The following WNT2 variants were observed in gnomAD, a reference collection of about 807,000 sequenced individuals.
The protein encoded by WNT2 is Wnt family member 2, also known as protein Wnt-2.
WNT2 carries 12 observed loss-of-function variants against 36.9 expected under a neutral mutation model. The observed-to-expected ratio is 0.33, with a 90% CI of 0.21 to 0.53. The LOEUF (loss-of-function observed/expected upper bound fraction) is 0.53, where lower values mean the gene tolerates loss of function less well. WNT2 is among the 20% of genes least tolerant of loss of function. The pLI is 0.95. For missense variants in WNT2, 379 were observed against 473.1 expected (o/e 0.80, Z 1.84); for synonymous variants, 163 against 174.6 (o/e 0.93, Z 0.52).
intron 3 of WNT2, among the ~76,000 whole-genome samples, chr7:117,306,200 C>CT (rs796633314): frequency 2.0e-4 from 30 of 151,914 alleles, no homozygotes; most frequent in Non-Finnish European, 3.1e-4. Flanking sequence ...AATTTAAACC[C>CT]TTTTTTTTCT....
rs185546906 is a variant in WNT2 at position 117,291,145 on chromosome 7, G to T, written c.853+6467C>A. ...TACCCATGGGTTCTGAGTTCTGTTTGCCAAATATGATTTATGTGGGGGAAA... is the reference window on the plus strand; with the variant it reads ...TACCCATGGGTTCTGAGTTCTGTTTTCCAAATATGATTTATGTGGGGGAAA... On this transcript the variant is annotated intron_variant, in intron 4 of 4. Transcript: ENST00000265441. Among the ~76,000 whole-genome samples, 155 of 152,314 alleles carry T rather than the reference G, an allele frequency of 1.0e-3. 1 individual carries two copies. Among genetic ancestry groups the T allele is most frequent in the Admixed American group, 5.1e-3 (78 of 15,308 alleles).
In WNT2 at chr7:117,300,432, G is replaced by A. The variant is rs1319438704; in HGVS notation, c.589-2556C>T. On this transcript the variant is annotated intron_variant, in intron 3 of 4. Transcript: ENST00000265441. ...GATCTCTTGACCTTTTGATCCACCT[G>A]CCTCAGCCTCCCAAAGTGTTGGGAT... 3.3e-5 allele frequency among the ~76,000 whole-genome samples: 5 copies of A among 152,208 alleles called. No homozygotes were observed. In the South Asian group the frequency reaches 1.0e-3, roughly 32 times the overall value.
At chr7:117,305,984 G>C (rs1795007433) in intron 3 of WNT2, among the ~76,000 whole-genome samples, 1 of 152,128 alleles carries the variant, frequency 6.6e-6, no homozygotes, top group Non-Finnish European at 1.5e-5. Context: ...CAATTTTCAG[G>C]CCTATGTTTC....
chr7:117,280,076 C>T (rs1794454476), intron 4 of WNT2, among the ~76,000 whole-genome samples: 1 of 151,918 alleles, frequency 6.6e-6, no homozygotes, highest in Non-Finnish European at 1.5e-5. Context: ...GGTGGGGCAG[C>T]GTTTGGTCAG....
At position 117,285,059 on chromosome 7, in the gene WNT2, C is replaced by T. The variant is rs141986453; in HGVS notation, c.854-6675G>A. Among the ~76,000 whole-genome samples, 626 of 152,316 alleles carry T rather than the reference C, an allele frequency of 4.1e-3. 5 individuals carry two copies. The highest frequency in any genetic ancestry group is 0.014 in the African/African-American group (596 of 41,564). ...GTGACCAGTGCAGCAGCGTCTTTCC[C>T]GTACTCTCTTCTAATTCTTTTATCA... On this transcript the variant is annotated intron_variant, in intron 4 of 4. Coordinates refer to ENST00000265441, the MANE Select transcript of WNT2 (RefSeq NM_003391.3).
intron 4 of WNT2, among the ~76,000 whole-genome samples, chr7:117,285,690 A>AAACATAT (rs1466712016): frequency 6.6e-6 from 1 of 152,366 alleles, no homozygotes; most frequent in East Asian, 1.9e-4. Context: ...TTAAAAGGAT[A>AAACATAT]AACATATATT....
chr7:117,305,990 GT>G (rs1316102593), intron 3 of WNT2, among the ~76,000 whole-genome samples: 2 of 152,166 alleles, frequency 1.3e-5, no homozygotes, highest in Non-Finnish European at 2.9e-5. Flanking sequence ...TCAGGCCTAT[GT>G]TTCTCTCCAG....
intron 4 of WNT2, among the ~76,000 whole-genome samples, chr7:117,288,850 G>T (rs997274305): frequency 2.0e-5 from 3 of 151,950 alleles, no homozygotes; most frequent in African/African-American, 7.3e-5. Context: ...AAATAACACA[G>T]ATTTATAGAT....
At chr7:117,315,847 T>C (rs998399712) in intron 2 of WNT2, among the ~76,000 whole-genome samples, 8 of 152,226 alleles carry the variant, frequency 5.3e-5, no homozygotes, top group African/African-American at 1.7e-4. Flanking sequence ...TGCACTTAAA[T>C]TATTGAGAAT....
intron 3 of WNT2, among the ~76,000 whole-genome samples, chr7:117,302,955 C>T (rs2116366460): frequency 6.6e-6 from 1 of 152,240 alleles, no homozygotes; most frequent in South Asian, 2.1e-4. Flanking sequence ...AATTACTCCA[C>T]ATAGTAAAAT....
chr7:117,316,791 T>C (rs1453412283), intron 2 of WNT2, among the ~76,000 whole-genome samples: 1 of 152,162 alleles, frequency 6.6e-6, no homozygotes, highest in Non-Finnish European at 1.5e-5. Context: ...CTATTCGCCA[T>C]AGGTAGCAGG....
At chr7:117,316,247 T>C (rs1795215273) in intron 2 of WNT2, among the ~76,000 whole-genome samples, 1 of 152,216 alleles carries the variant, frequency 6.6e-6, no homozygotes, top group Non-Finnish European at 1.5e-5. Context: ...CATATTTCAG[T>C]GCAATAACTA....
At chr7:117,300,127 T>A (rs1794874623) in intron 3 of WNT2, among the ~76,000 whole-genome samples, 1 of 152,162 alleles carries the variant, frequency 6.6e-6, no homozygotes, top group African/African-American at 2.4e-5. Flanking sequence ...GCCAATCCTA[T>A]GATAGGAGAA....
intron 2 of WNT2, among the ~76,000 whole-genome samples, chr7:117,317,089 A>G (rs1428251821): frequency 6.6e-6 from 1 of 152,218 alleles, no homozygotes; most frequent in East Asian, 1.9e-4. Context: ...GAGAGATCAC[A>G]TAGAGGAGGA....
chr7:117,307,365 A>G (rs1022881263), intron 3 of WNT2, among the ~76,000 whole-genome samples: 12 of 152,174 alleles, frequency 7.9e-5, no homozygotes, highest in African/African-American at 2.9e-4. Flanking sequence ...ATATTGAAAC[A>G]CCCAGGAGTA....
rs1038094391 is a variant in WNT2 at position 117,297,513 on chromosome 7, C to G, written c.853+99G>C. 2.8e-6 allele frequency: 4 copies of G among 1,430,700 alleles called. No individual in the cohort carries two copies. The East Asian group carries it at 6.9e-5, about 25-fold the overall frequency. 88.6% of individuals were successfully genotyped at this position (1,430,700 alleles called of 1,614,324 possible). ...AATGATAAGGATCGTGAGCTTTGAA[C>G]CTAAAGAGAGCAGGCTGAAAATACA... On this transcript the variant is annotated intron_variant, in intron 4 of 4. Transcript: ENST00000265441.
chr7:117,310,582 CAAAA>C (rs774296887), intron 3 of WNT2, among the ~76,000 whole-genome samples: 1 of 55,070 alleles, frequency 1.8e-5, no homozygotes, highest in Non-Finnish European at 3.4e-5. Flanking sequence ...GACCCTGTCT[CAAAA>C]AAAAAAAAAA....
intron 2 of WNT2, among the ~76,000 whole-genome samples, chr7:117,319,819 T>C (rs566604371): frequency 6.6e-6 from 1 of 152,338 alleles, no homozygotes; most frequent in South Asian, 2.1e-4. Context: ...AAAACCTCTA[T>C]GTATTCATGT....
intron 3 of WNT2, among the ~76,000 whole-genome samples, chr7:117,307,729 T>C (rs1013077256): frequency 1.3e-5 from 2 of 152,250 alleles, no homozygotes; most frequent in African/African-American, 4.8e-5. Flanking sequence ...TTTTTTCTTG[T>C]AGGTACCTGC....
Sources: allele counts gnomAD v4.1 joint callset (sites outside exome capture counted in the v4.1 genomes callset), GRCh38; gene constraint gnomAD v4.1.1; transcripts MANE v1.5; gene names NCBI Gene and HGNC (gene_info 2026-07-23, HGNC 2026-07-21).